ANXA13: variants seen among roughly 807,000 people sequenced by gnomAD.
ANXA13 encodes the protein annexin A13, also known as annexin XIII.
A neutral mutation model predicts 46.6 loss-of-function variants in ANXA13; 36 were observed. That is an observed-to-expected ratio of 0.77 (90% confidence interval 0.59 to 1.02). The LOEUF (loss-of-function observed/expected upper bound fraction) is 1.02, where lower values mean the gene tolerates loss of function less well. ANXA13 is among the 50% of genes least tolerant of loss of function. The pLI, the probability that ANXA13 is intolerant of heterozygous loss-of-function variation, is 0.00. For synonymous variants in ANXA13, 163 were observed against 152.9 expected (o/e 1.07, Z -0.49); for missense variants, 417 against 396.5 (o/e 1.05, Z -0.44).
chr8:123,721,836 T>G (rs959358983), intron 1 of ANXA13, among the ~76,000 whole-genome samples: 17 of 152,138 alleles, frequency 1.1e-4, no homozygotes, highest in African/African-American at 4.1e-4. Context: ...AACAACCCTA[T>G]GGGGTAGGTA....
chr8:123,734,491 A>G (rs1305993272), intron 1 of ANXA13, among the ~76,000 whole-genome samples: 4 of 152,140 alleles, frequency 2.6e-5, no homozygotes, highest in East Asian at 1.9e-4. Flanking sequence ...GCTGCTCCAC[A>G]TAGGTTAGTT....
At chr8:123,698,966 G>A (rs757812792) in intron 3 of ANXA13, among the ~76,000 whole-genome samples, 1 of 152,172 alleles carries the variant, frequency 6.6e-6, no homozygotes, top group Non-Finnish European at 1.5e-5. Flanking sequence ...GTTATCTCTA[G>A]GACTGGAGAA....
At chr8:123,708,189 TA>T (rs1563613028) in intron 2 of ANXA13, among the ~76,000 whole-genome samples, 1 of 152,166 alleles carries the variant, frequency 6.6e-6, no homozygotes, top group African/African-American at 2.4e-5. Context: ...AAGGCTTTTT[TA>T]AAAATGAGAA....
At chr8:123,715,857 T>C (rs1229168201) in intron 1 of ANXA13, among the ~76,000 whole-genome samples, 1 of 152,100 alleles carries the variant, frequency 6.6e-6, no homozygotes, top group Non-Finnish European at 1.5e-5. Context: ...CTGCCCCTCA[T>C]CCCCTTCCCG....
chr8:123,680,806 C>G lies in ANXA13; in HGVS notation c.*434G>C, dbSNP rs540356265. The G allele has an allele frequency of 6.5e-6, 1 of 154,214 alleles. No homozygotes were observed. The highest frequency in any genetic ancestry group is 1.9e-4 in the East Asian group (1 of 5,240). 9.6% of individuals were successfully genotyped at this position (154,214 alleles called of 1,614,324 possible). On this transcript the variant is annotated 3_prime_UTR_variant, in exon 11 of 11. Coordinates refer to ENST00000419625, the MANE Select transcript of ANXA13 (RefSeq NM_004306.4). ...GAAAAGCAGCTGATAGAGGCATAAT[C>G]CACAACTTTAATTAACAATGAGGCT...
At chr8:123,687,128 C>G (rs1813154698) in intron 9 of ANXA13, among the ~76,000 whole-genome samples, 1 of 152,134 alleles carries the variant, frequency 6.6e-6, no homozygotes, top group South Asian at 2.1e-4. Context: ...CCTTATTTAC[C>G]TCTTATTCCC....
intron 1 of ANXA13, among the ~76,000 whole-genome samples, chr8:123,736,305 G>A (rs892407477): frequency 2.0e-5 from 3 of 152,108 alleles, no homozygotes; most frequent in Non-Finnish European, 2.9e-5. Context: ...TTTACAGCAG[G>A]TACACAAAAC....
At chr8:123,726,024 C>A (rs931634622) in intron 1 of ANXA13, among the ~76,000 whole-genome samples, 1 of 152,174 alleles carries the variant, frequency 6.6e-6, no homozygotes, top group Non-Finnish European at 1.5e-5. Flanking sequence ...GGCTATCACT[C>A]TAAAGGGGCA....
At chr8:123,681,623 T>TC (rs1813040454) in intron 10 of ANXA13, among the ~76,000 whole-genome samples, 1 of 148,286 alleles carries the variant, frequency 6.7e-6, no homozygotes, top group Non-Finnish European at 1.5e-5. Context: ...GAATTTCTTT[T>TC]TTTTTTTTTT....
At chr8:123,686,267 G>A (rs1813138373) in intron 9 of ANXA13, among the ~76,000 whole-genome samples, 2 of 152,026 alleles carry the variant, frequency 1.3e-5, no homozygotes, top group South Asian at 4.1e-4. Flanking sequence ...GAGGTCAGGA[G>A]TTCGAGACCA....
At chr8:123,693,123 A>C in intron 8 of ANXA13, 74 bp downstream of exon 8, 1 of 1,343,086 alleles carries the variant, frequency 7.4e-7, no homozygotes, top group Non-Finnish European at 1.1e-6. Flanking sequence ...CTTATTGCAG[A>C]TCTTGGCTTC....
intron 9 of ANXA13, among the ~76,000 whole-genome samples, chr8:123,687,290 T>C (rs1314097505): frequency 1.3e-5 from 2 of 152,242 alleles, no homozygotes; most frequent in African/African-American, 4.8e-5. Flanking sequence ...AGAACCAGGC[T>C]GTGAGTAGAT....
chr8:123,733,465 C>T (rs145574713), intron 1 of ANXA13, among the ~76,000 whole-genome samples: 5 of 152,312 alleles, frequency 3.3e-5, no homozygotes, highest in East Asian at 1.9e-4. Flanking sequence ...TCTTTGTCCA[C>T]GTTCATCTGA....
chr8:123,699,989 GA>G (rs1440043721), intron 3 of ANXA13, among the ~76,000 whole-genome samples: 2 of 152,188 alleles, frequency 1.3e-5, no homozygotes, highest in African/African-American at 4.8e-5. Context: ...CTCCCATGCT[GA>G]AAAAAATTTT....
chr8:123,682,581 G>A (rs1813059165), intron 10 of ANXA13, among the ~76,000 whole-genome samples: 1 of 152,194 alleles, frequency 6.6e-6, no homozygotes, highest in Non-Finnish European at 1.5e-5. Context: ...GTATGTGGGG[G>A]AGTGAGGGAG....
chr8:123,724,274 C>T lies in ANXA13; in HGVS notation c.16-11521G>A, dbSNP rs192563158. ...GTTTGGGGCTCTTAGAATTTAATAC[C>T]AAATGGAGAAAATAATGGACTCTGA... On this transcript the variant is annotated intron_variant, in intron 1 of 10. Coordinates refer to ENST00000419625, the MANE Select transcript of ANXA13 (RefSeq NM_004306.4). Among the ~76,000 whole-genome samples the T allele has an allele frequency of 4.3e-3, 651 of 152,152 alleles. 4 individuals carry two copies. The highest frequency in any genetic ancestry group is 0.01 in the Middle Eastern group (3 of 294).
chr8:123,696,338 A>G (rs73329921), intron 4 of ANXA13, among the ~76,000 whole-genome samples: 3,882 of 152,246 alleles, frequency 0.025, 160 homozygotes, highest in African/African-American at 0.088. Context: ...CCAACCTCCT[A>G]TTGATGGAGG....
chr8:123,696,867 G>A (rs1406426284), intron 4 of ANXA13, among the ~76,000 whole-genome samples: 1 of 152,180 alleles, frequency 6.6e-6, no homozygotes, highest in African/African-American at 2.4e-5. Flanking sequence ...AAGAAACTAG[G>A]CTGAGGGAGA....
At chr8:123,714,192 G>T (rs1207915328) in intron 1 of ANXA13, among the ~76,000 whole-genome samples, 1 of 152,138 alleles carries the variant, frequency 6.6e-6, no homozygotes, top group Non-Finnish European at 1.5e-5. Flanking sequence ...CCATTGTGTG[G>T]CCTCACTGGG....
Sources: allele counts gnomAD v4.1 joint callset (sites outside exome capture counted in the v4.1 genomes callset), GRCh38; gene constraint gnomAD v4.1.1; transcripts MANE v1.5; gene names NCBI Gene and HGNC (gene_info 2026-07-23, HGNC 2026-07-21).